ZFHX3: variants seen among roughly 807,000 people sequenced by gnomAD.
The protein encoded by ZFHX3 is zinc finger homeobox 3, also known as zinc finger homeobox protein 3.
A neutral mutation model predicts 279.1 loss-of-function variants in ZFHX3; 42 were observed. The observed-to-expected ratio is 0.15, with a 90% CI of 0.12 to 0.19. The LOEUF is 0.19. Among genes scored for constraint, ZFHX3 ranks in the 10% least tolerant of loss-of-function variants. ZFHX3 has a pLI of 1.00. For synonymous variants in ZFHX3, 2,293 were observed against 1,957.8 expected (o/e 1.17, Z -4.52); for missense variants, 4,981 against 4,754.0 (o/e 1.05, Z -1.40).
At chr16:73,681,174 T>C (rs757842787) in intron 1 of ZFHX3, among the ~76,000 whole-genome samples, 4 of 152,204 alleles carry the variant, frequency 2.6e-5, no homozygotes, top group African/African-American at 4.8e-5. Context: ...CATAAGCATC[T>C]TGCTATTATT....
upstream of ZFHX3, among the ~76,000 whole-genome samples, chr16:73,048,700 GC>G (rs1236310218): frequency 6.6e-6 from 1 of 152,232 alleles, no homozygotes. Flanking sequence ...GGGGACAGGA[GC>G]CAATGTGGAC....
In ZFHX3 at chr16:73,177,274, A is replaced by G. The variant is rs542347445; in HGVS notation, c.-1103-33443T>C. On this transcript the variant is annotated intron_variant, in intron 5 of 17. Coordinates refer to the ZFHX3 transcript ENST00000641206. ...AAATATCTTCCATTCTATGCAAAAG[A>G]GGCTCCAGTGCTTTGTAGCTGTTTG... Among the ~76,000 whole-genome samples, 11 of 152,332 alleles carry G rather than the reference A, an allele frequency of 7.2e-5. No homozygotes were observed. The South Asian group carries it at 1.7e-3, about 23-fold the overall frequency.
At chr16:73,277,135 A>T (rs1236864921) in intron 4 of ZFHX3, among the ~76,000 whole-genome samples, 7 of 152,224 alleles carry the variant, frequency 4.6e-5, no homozygotes, top group African/African-American at 1.7e-4. Context: ...TCTCCAAAGG[A>T]CTTGCTATGG....
At chr16:73,842,586 G>A (rs1367158780) in intron 1 of ZFHX3, among the ~76,000 whole-genome samples, 1 of 152,146 alleles carries the variant, frequency 6.6e-6, no homozygotes, top group Non-Finnish European at 1.5e-5. Context: ...GTCAGATGAT[G>A]GCCATAAGTA....
At chr16:72,806,311 A>C (rs994735049) in intron 7 of ZFHX3, among the ~76,000 whole-genome samples, 1 of 152,232 alleles carries the variant, frequency 6.6e-6, no homozygotes, top group South Asian at 2.1e-4. Context: ...AGGATGAGAA[A>C]GATTGAAAAG....
chr16:73,077,889 C>T (rs1015134249), intron 8 of ZFHX3, among the ~76,000 whole-genome samples: 16 of 152,224 alleles, frequency 1.1e-4, no homozygotes, highest in African/African-American at 3.6e-4. Flanking sequence ...ACTGCAACCT[C>T]TGCCTCCTGG....
chr16:73,640,750 A>C (rs1419604559), intron 2 of ZFHX3, among the ~76,000 whole-genome samples: 1 of 152,190 alleles, frequency 6.6e-6, no homozygotes, highest in East Asian at 1.9e-4. Flanking sequence ...AAGAGAGAAT[A>C]AACGAAAACC....
intron 3 of ZFHX3, among the ~76,000 whole-genome samples, chr16:73,370,876 C>T (rs2016616652): frequency 6.6e-6 from 1 of 152,146 alleles, no homozygotes; most frequent in African/African-American, 2.4e-5. Context: ...TAATGGGTTC[C>T]TCCCTGTTTT....
At chr16:73,836,079 A>G (rs1961138486) in intron 1 of ZFHX3, among the ~76,000 whole-genome samples, 1 of 152,202 alleles carries the variant, frequency 6.6e-6, no homozygotes, top group Non-Finnish European at 1.5e-5. Flanking sequence ...GAGGATGAGA[A>G]CAATGTTTTA....
At chr16:73,048,353 C>T (rs1965378333), upstream of ZFHX3, 1 of 151,680 alleles carries the variant, frequency 6.6e-6, no homozygotes, top group Non-Finnish European at 1.5e-5. Context: ...CGCAGGGACC[C>T]GGGGACGCAC....
Position 73,315,156 on chromosome 16 carries a change from A to T in ZFHX3, c.-1194+3084T>A, listed in dbSNP as rs113145172. Among the ~76,000 whole-genome samples, 315 of 151,572 alleles carry T rather than the reference A, an allele frequency of 2.1e-3. 2 individuals carry two copies. Among genetic ancestry groups the T allele is most frequent in the African/African-American group, 7.0e-3 (290 of 41,340 alleles). ...GGCAGGAGAAGCGCTTGAACCTGGG[A>T]GTTGCAGTGAGCACCACTGCACTCC... On this transcript the variant is annotated intron_variant, in intron 4 of 17. Coordinates refer to the ZFHX3 transcript ENST00000641206.
chr16:73,377,771 C>T (rs183888308), intron 3 of ZFHX3, among the ~76,000 whole-genome samples: 2 of 151,640 alleles, frequency 1.3e-5, no homozygotes, highest in African/African-American at 2.4e-5. Flanking sequence ...CGGTGGCTCA[C>T]GCCTGTAATC....
chr16:72,821,688 G>C (rs2036795793), intron 5 of ZFHX3, among the ~76,000 whole-genome samples: 1 of 152,192 alleles, frequency 6.6e-6, no homozygotes, highest in African/African-American at 2.4e-5. Context: ...GTGACCTCGA[G>C]CATCCTATCT....
rs748210041 is a variant in ZFHX3 at position 72,794,885 on chromosome 16, G to C, written c.7797C>G (p.Ser2599Arg). 2 of 1,614,050 alleles carry C rather than the reference G, an allele frequency of 1.2e-6. No individual in the cohort carries two copies. Among genetic ancestry groups the C allele is most frequent in the Non-Finnish European group, 1.7e-6 (2 of 1,180,034 alleles). Residue 2599 changes from serine to arginine, a missense_variant, in exon 9 of 10, where the codon AGC becomes AGG. By Grantham distance (110) the Ser-to-Arg change is moderately radical. Around this residue, in one of 7 missense-constraint regions of ZFHX3, gnomAD observed 744 missense variants for 701.3 expected, o/e 1.06. Transcript: ENST00000268489. This position sits in a 1 kb window ranked among gnomAD's most constrained non-coding sequence, Gnocchi z 4.2. ...TTGGAGTTGAAGGAGAAGTGGCTGA[G>C]CTTGCTGGAATCTGAGGTATGGCCC... ...LSGAIPQIPA[S>R]SATSPSTPTS...
chr16:73,631,057 A>T (rs2052463859), intron 2 of ZFHX3, among the ~76,000 whole-genome samples: 1 of 152,188 alleles, frequency 6.6e-6, no homozygotes, highest in African/African-American at 2.4e-5. Context: ...CAGCAGCGGT[A>T]AGAAACCACA....
chr16:73,311,026 A>G (rs1322039730), intron 4 of ZFHX3, among the ~76,000 whole-genome samples: 1 of 151,930 alleles, frequency 6.6e-6, no homozygotes, highest in Non-Finnish European at 1.5e-5. Context: ...TGAGGTCTGG[A>G]GTTTGAGTCC....
chr16:73,546,682 GC>G (rs1432485440), intron 2 of ZFHX3, among the ~76,000 whole-genome samples: 2 of 61,084 alleles, frequency 3.3e-5, no homozygotes, highest in Admixed American at 1.6e-4. Context: ...TGCTGCTGCT[GC>G]TGCTGCTGCT....
At chr16:73,783,713 G>A (rs1222469428) in intron 1 of ZFHX3, among the ~76,000 whole-genome samples, 3 of 152,200 alleles carry the variant, frequency 2.0e-5, no homozygotes, top group Non-Finnish European at 4.4e-5. Context: ...ACAGTGGTAA[G>A]GACTTTATAT....
intron 3 of ZFHX3, chr16:73,400,694 A>G (rs1050870993): frequency 6.6e-6 from 1 of 150,816 alleles, no homozygotes; most frequent in Non-Finnish European, 1.5e-5. Flanking sequence ...TGATAGAAAA[A>G]AACAAACAAA....
Sources: gnomAD v4.1 joint callset for allele counts (sites outside exome capture counted in the v4.1 genomes callset) on GRCh38, gnomAD v4.1.1 for gene constraint, gnomAD v4.1.1 regional missense constraint, Gnocchi (gnomAD v3.1) non-coding constraint, MANE v1.5 for transcripts, NCBI Gene and HGNC (gene_info 2026-07-23, HGNC 2026-07-21) for gene names.